Variants in AUTS2 observed in about 807,000 individuals in gnomAD.
The protein encoded by AUTS2 is activator of transcription and developmental regulator AUTS2, also known as autism susceptibility gene 2 protein.
A neutral mutation model predicts 112.4 loss-of-function variants in AUTS2; 17 were observed. The observed-to-expected ratio is 0.15, with a 90% CI of 0.10 to 0.23. AUTS2 has a LOEUF of 0.23. Ranked by LOEUF, AUTS2 falls within the 10% of genes least tolerant of loss-of-function variation. The probability of loss-of-function intolerance (pLI) is 1.00; values close to 1 mark genes in which losing one functional copy is unlikely to be tolerated. For synonymous variants in AUTS2, 751 were observed against 702.7 expected (o/e 1.07, Z -1.09); for missense variants, 1,510 against 1,701.6 (o/e 0.89, Z 1.98).
chr7:70,791,017 C>T lies in AUTS2; in HGVS notation c.*21C>T, dbSNP rs746281028. 5 of 1,473,336 alleles carry T rather than the reference C, an allele frequency of 3.4e-6. No homozygotes were observed. The highest frequency in any genetic ancestry group is 2.4e-5 in the East Asian group (1 of 41,924). The allele number at this position is 1,473,336 out of a possible 1,614,324, so 91.3% of individuals were successfully genotyped here. On this transcript the variant is annotated 3_prime_UTR_variant, in exon 19 of 19. Coordinates refer to ENST00000342771, the MANE Select transcript of AUTS2 (RefSeq NM_015570.4). ...GATAAGCCGAGAACAGGAGCAAGAA[C>T]GAGGAAGAAGAAACCCTAGGCAGAC...
chr7:70,003,507 A>G (rs1190367226), intron 2 of AUTS2, among the ~76,000 whole-genome samples: 2 of 124,618 alleles, frequency 1.6e-5, no homozygotes, highest in Admixed American at 1.8e-4. Context: ...AATATGTTAT[A>G]TATGTATATA....
chr7:70,400,556 G>A (rs1251359346), intron 4 of AUTS2, among the ~76,000 whole-genome samples: 3 of 152,180 alleles, frequency 2.0e-5, no homozygotes, highest in Admixed American at 6.5e-5. Context: ...TTGGGCACAA[G>A]GTTCATGCTG....
chr7:70,509,369 T>A (rs995132974), intron 5 of AUTS2, among the ~76,000 whole-genome samples: 4 of 152,208 alleles, frequency 2.6e-5, no homozygotes, highest in African/African-American at 4.8e-5. Flanking sequence ...TAAGGTATTC[T>A]GACTTGGGAG....
At chr7:70,283,741 A>C (rs934276760) in intron 4 of AUTS2, among the ~76,000 whole-genome samples, 1 of 152,174 alleles carries the variant, frequency 6.6e-6, no homozygotes, top group African/African-American at 2.4e-5. Context: ...CTCTACTTAG[A>C]ATAGTCCTTT....
chr7:70,203,321 G>A (rs1225331764), intron 4 of AUTS2, among the ~76,000 whole-genome samples: 4 of 99,906 alleles, frequency 4.0e-5, no homozygotes, highest in Non-Finnish European at 7.6e-5. Flanking sequence ...ATGTGCACAT[G>A]TACCCTAAAA....
At chr7:70,268,168 G>C (rs1290744700) in intron 4 of AUTS2, among the ~76,000 whole-genome samples, 1 of 152,128 alleles carries the variant, frequency 6.6e-6, no homozygotes, top group East Asian at 1.9e-4. Flanking sequence ...TTGAAGACTA[G>C]AGCATGGGCA....
At chr7:70,134,956 T>G (rs574723503) in intron 4 of AUTS2, among the ~76,000 whole-genome samples, 2 of 152,280 alleles carry the variant, frequency 1.3e-5, no homozygotes, top group Admixed American at 6.5e-5. Context: ...TTGAATAACA[T>G]CTCTTCATAT....
rs146399911 is a variant in AUTS2, at chr7:70,169,768, A to G, written c.660+35197A>G. On this transcript the variant is annotated intron_variant, in intron 4 of 18. Transcript: ENST00000342771. ...ATTTAAATATCTACCAATTCAACAT[A>G]TAAAATTGTCTTCACGAGAAACATT... is the stretch of plus-strand genomic sequence containing the variant. 1.9e-4 allele frequency among the ~76,000 whole-genome samples: 29 copies of G among 152,318 alleles called. No individual in the cohort carries two copies. The East Asian group carries it at 4.6e-3, about 24-fold the overall frequency.
intron 4 of AUTS2, among the ~76,000 whole-genome samples, chr7:70,163,360 A>AGGGGGG (rs1562753323): frequency 1.2e-3 from 3 of 2,464 alleles, no homozygotes; most frequent in Admixed American, 5.3e-3. Context: ...GGGGGGGGGC[A>AGGGGGG]GAGGGGGAGG....
chr7:70,344,019 A>T (rs963295172), intron 4 of AUTS2, among the ~76,000 whole-genome samples: 1 of 152,094 alleles, frequency 6.6e-6, no homozygotes, highest in African/African-American at 2.4e-5. Context: ...GAGGCCAGAG[A>T]TCCACCTAAG....
chr7:70,270,044 A>C (rs373019344), intron 4 of AUTS2, among the ~76,000 whole-genome samples: 9 of 152,122 alleles, frequency 5.9e-5, no homozygotes, highest in Admixed American at 3.3e-4. Flanking sequence ...GTCTCAAAAA[A>C]AACAAACAAA....
At chr7:69,890,463 T>C (rs1374632456) in intron 1 of AUTS2, among the ~76,000 whole-genome samples, 2 of 152,210 alleles carry the variant, frequency 1.3e-5, no homozygotes, top group African/African-American at 2.4e-5. Flanking sequence ...TTTATTTAGA[T>C]TCCATATGTG....
At chr7:70,437,159 A>T (rs1215044997) in intron 5 of AUTS2, 1 of 152,246 alleles carries the variant, frequency 6.6e-6, no homozygotes, top group Non-Finnish European at 1.5e-5. Context: ...GGGCTGTTGG[A>T]TGACAGTGAA....
intron 4 of AUTS2, among the ~76,000 whole-genome samples, chr7:70,335,537 A>G (rs968727002): frequency 1.3e-5 from 2 of 152,212 alleles, no homozygotes; most frequent in African/African-American, 4.8e-5. Context: ...CCAGCATACT[A>G]TTAACCTAAG....
intron 2 of AUTS2, among the ~76,000 whole-genome samples, chr7:70,006,475 C>G (rs1237909445): frequency 6.6e-6 from 1 of 152,156 alleles, no homozygotes; most frequent in Non-Finnish European, 1.5e-5. Context: ...AACACTGGAA[C>G]ATGGGCTGCA....
chr7:69,702,899 T>C (rs1797882605), intron 1 of AUTS2, among the ~76,000 whole-genome samples: 1 of 152,202 alleles, frequency 6.6e-6, no homozygotes, highest in Admixed American at 6.5e-5. Flanking sequence ...ATTTATTGAA[T>C]TTCACTTATG....
chr7:70,563,631 G>T (rs370254651), intron 5 of AUTS2, among the ~76,000 whole-genome samples: 2 of 152,144 alleles, frequency 1.3e-5, no homozygotes, highest in African/African-American at 4.8e-5. Context: ...ATGGCGGAGA[G>T]GGATTGGGCC....
intron 5 of AUTS2, among the ~76,000 whole-genome samples, chr7:70,555,176 G>A (rs917728080): frequency 1.3e-5 from 2 of 152,142 alleles, no homozygotes; most frequent in Non-Finnish European, 2.9e-5. Context: ...AAAGTGTGTG[G>A]TTAAAACAGT....
rs186081246 is a variant in AUTS2 at position 70,634,263 on chromosome 7, G to A, written c.691-64306G>A. Reference sequence around the variant, plus strand: ...GGAGGCATCTCCCTGTGAAAGGGGCGTGTGAGCCAAGACTTAAAGGGAACA... The same window carrying A: ...GGAGGCATCTCCCTGTGAAAGGGGCATGTGAGCCAAGACTTAAAGGGAACA... On this transcript the variant is annotated intron_variant, in intron 5 of 18. Transcript: ENST00000342771. 3.4e-4 allele frequency among the ~76,000 whole-genome samples: 52 copies of A among 152,332 alleles called. 1 individual carries two copies. The highest frequency in any genetic ancestry group is 2.6e-3 in the Admixed American group (40 of 15,302).
Sources: gnomAD v4.1 joint callset for allele counts (sites outside exome capture counted in the v4.1 genomes callset) on GRCh38, gnomAD v4.1.1 for gene constraint, MANE v1.5 for transcripts, NCBI Gene and HGNC (gene_info 2026-07-23, HGNC 2026-07-21) for gene names.